Variants in TOR1AIP1 observed in about 807,000 individuals in gnomAD.
The protein encoded by TOR1AIP1 is torsin 1A interacting protein 1, also known as torsin-1A-interacting protein 1.
Under a neutral mutation model 63.3 loss-of-function variants are expected in TOR1AIP1, and 54 were observed. The observed-to-expected ratio is 0.85, with a 90% CI of 0.69 to 1.07. TOR1AIP1 has a LOEUF of 1.07. TOR1AIP1 is among the 50% of genes least tolerant of loss of function. TOR1AIP1 has a pLI of 0.00. For synonymous variants in TOR1AIP1, 294 were observed against 273.5 expected (o/e 1.07, Z -0.74); for missense variants, 736 against 715.0 (o/e 1.03, Z -0.33).
Position 179,908,657 on chromosome 1 carries a change from A to G in TOR1AIP1, c.891A>G (p.Ile297Met), listed in dbSNP as rs758244087. 4 of 1,613,456 alleles carry G rather than the reference A, an allele frequency of 2.5e-6. No homozygotes were observed. The South Asian group carries it at 3.3e-5, about 13-fold the overall frequency. ...PQEWAPQTAR[I>M]RTRMQNDSIL... ...AATGGGCCCCACAAACTGCAAGAAT[A>G]AGGACCAGGATGCAAAGTAAGTAGA... is the stretch of plus-strand genomic sequence containing the variant. Residue 297 changes from isoleucine to methionine, a missense_variant, in exon 8 of 10, where the codon ATA becomes ATG. This residue lies in a region of TOR1AIP1 where 272 missense variants were observed against 344.1 expected (regional missense o/e 0.79). Coordinates refer to ENST00000606911, the MANE Select transcript of TOR1AIP1 (RefSeq NM_015602.4).
chr1:179,892,988 C>A, intron 3 of TOR1AIP1, among the ~76,000 whole-genome samples: 1 of 151,956 alleles, frequency 6.6e-6, no homozygotes, highest in African/African-American at 2.4e-5. Flanking sequence ...TGCCTATAAT[C>A]CCAGCACTTT....
intron 6 of TOR1AIP1, among the ~76,000 whole-genome samples, chr1:179,906,514 C>A (rs1648636606): frequency 6.6e-6 from 1 of 151,974 alleles, no homozygotes; most frequent in Non-Finnish European, 1.5e-5. Flanking sequence ...TTTAGTCATC[C>A]CATTGTGTCA....
chr1:179,914,608 A>G (rs946314216), intron 9 of TOR1AIP1, among the ~76,000 whole-genome samples: 3 of 152,162 alleles, frequency 2.0e-5, no homozygotes, highest in African/African-American at 7.2e-5. Context: ...ATCCTGGCCA[A>G]CATGGTGAAA....
intron 3 of TOR1AIP1, 122 bp downstream of exon 3, chr1:179,889,491 A>G: frequency 1.4e-6 from 1 of 709,650 alleles, no homozygotes; most frequent in East Asian, 3.0e-5. Flanking sequence ...ACATTAAAAA[A>G]TCTCCCTGTC....
intron 3 of TOR1AIP1, among the ~76,000 whole-genome samples, chr1:179,892,789 CT>C (rs1648138939): frequency 2.0e-5 from 3 of 151,600 alleles, no homozygotes; most frequent in African/African-American, 7.3e-5. Flanking sequence ...CTGAAATAAC[CT>C]AACACTCTTT....
At chr1:179,894,216 A>C (rs1205852050) in intron 3 of TOR1AIP1, among the ~76,000 whole-genome samples, 1 of 149,246 alleles carries the variant, frequency 6.7e-6, no homozygotes, top group Non-Finnish European at 1.5e-5. Flanking sequence ...CCGCCACCGC[A>C]CTCCAGCCTG....
intron 3 of TOR1AIP1, among the ~76,000 whole-genome samples, chr1:179,892,396 C>A (rs1372772253): frequency 6.6e-6 from 1 of 151,906 alleles, no homozygotes; most frequent in African/African-American, 2.4e-5. Flanking sequence ...TCACTTATAC[C>A]CAGGATGCAG....
At chr1:179,902,596 A>G (rs896910066) in intron 5 of TOR1AIP1, among the ~76,000 whole-genome samples, 8 of 151,782 alleles carry the variant, frequency 5.3e-5, no homozygotes, top group African/African-American at 1.9e-4. Context: ...TGTGTTTCCC[A>G]CCCTTCCTCA....
chr1:179,904,212 C>T (rs987080512), intron 6 of TOR1AIP1, among the ~76,000 whole-genome samples, 190 bp downstream of exon 6: 4 of 152,152 alleles, frequency 2.6e-5, no homozygotes, highest in Non-Finnish European at 5.9e-5. Context: ...TATACCCAAA[C>T]CTGAATTTGA....
At chr1:179,906,741 C>G (rs1002567247) in intron 6 of TOR1AIP1, among the ~76,000 whole-genome samples, 14 of 140,016 alleles carry the variant, frequency 1.0e-4, no homozygotes, top group African/African-American at 2.1e-4. Flanking sequence ...TTCCCCCCCC[C>G]CCTTTTTTTT....
At chr1:179,913,458 A>G in intron 8 of TOR1AIP1, 1 of 632,508 alleles carries the variant, frequency 1.6e-6, no homozygotes, top group Non-Finnish European at 2.8e-6. Context: ...CAGAATCCCC[A>G]GAGGAAATAC....
intron 3 of TOR1AIP1, among the ~76,000 whole-genome samples, chr1:179,893,273 A>C (rs548162000): frequency 4.3e-4 from 65 of 152,104 alleles, no homozygotes; most frequent in Middle Eastern, 6.8e-3. Context: ...AACAAAAAAA[A>C]AAAAGTGACA....
chr1:179,888,977 T>C (rs1647983265), intron 2 of TOR1AIP1, among the ~76,000 whole-genome samples: 1 of 152,204 alleles, frequency 6.6e-6, no homozygotes. Flanking sequence ...GAATAGATAA[T>C]TGAGTTGGTA....
chr1:179,913,809 A>G (rs762325593), intron 8 of TOR1AIP1, among the ~76,000 whole-genome samples, 189 bp from the exon 9 acceptor site: 11 of 152,220 alleles, frequency 7.2e-5, no homozygotes, highest in Non-Finnish European at 1.2e-4. Context: ...TATGAAAGAA[A>G]TAGGTCATGT....
intron 5 of TOR1AIP1, 42 bp downstream of exon 5, chr1:179,901,430 A>C (rs761894609): frequency 8.2e-7 from 1 of 1,221,046 alleles, no homozygotes; most frequent in African/African-American, 1.5e-5. Context: ...TCATAGAACT[A>C]TCTTTGGTAT....
intron 8 of TOR1AIP1, among the ~76,000 whole-genome samples, chr1:179,910,042 GCATGA>G (rs1648782710): frequency 6.6e-6 from 1 of 152,210 alleles, no homozygotes; most frequent in Non-Finnish European, 1.5e-5. Context: ...GGGATTACAG[GCATGA>G]GCCACCACAC....
In TOR1AIP1 at chr1:179,908,606, C is replaced by T. The variant is rs776976320; in HGVS notation, c.840C>T (p.Ser280=). The T allele has an allele frequency of 6.2e-7, 1 of 1,612,782 alleles. No homozygotes were observed. Among genetic ancestry groups the T allele is most frequent in the Non-Finnish European group, 8.5e-7 (1 of 1,179,074 alleles). The change falls in exon 8 of 10, where the codon AGC becomes AGT. Residue 280 remains serine, a splice_region_variant and synonymous_variant. Transcript: ENST00000606911. The part of the protein sequence containing the change: ...TAHDKQPSVL[S]SGYQKTPQEW... The stretch of plus-strand genomic sequence containing the variant: ...TTTTGATATATGTATTTGCTTCAGG[C>T]TCAGGATATCAAAAAACTCCCCAGG...
At chr1:179,892,986 A>G (rs10913906) in intron 3 of TOR1AIP1, among the ~76,000 whole-genome samples, 51,058 of 152,000 alleles carry the variant, frequency 0.34, 8,861 homozygotes, top group African/African-American at 0.38. Context: ...CATGCCTATA[A>G]TCCCAGCACT....
Position 179,882,889 on chromosome 1 carries a change from C to A in TOR1AIP1, c.387C>A (p.Arg129=). The change falls in exon 1 of 10, where the codon CGC becomes CGA. Residue 129 remains arginine, a synonymous_variant. Transcript: ENST00000606911. Reference sequence around the variant, plus strand: ...AAATGAAGACGCGAAGGACTACCCGCCTTCAGCAGCAGCACTCAGAGCAGC... The same window carrying A: ...AAATGAAGACGCGAAGGACTACCCGACTTCAGCAGCAGCACTCAGAGCAGC... The part of the protein sequence containing the change: ...TEEMKTRRTT[R]LQQQHSEQPP... The A allele has an allele frequency of 1.2e-6, 2 of 1,614,158 alleles. No homozygotes were observed. Among genetic ancestry groups the A allele is most frequent in the Non-Finnish European group, 1.7e-6 (2 of 1,180,040 alleles).
Sources: gnomAD v4.1 joint callset for allele counts (sites outside exome capture counted in the v4.1 genomes callset) on GRCh38, gnomAD v4.1.1 for gene constraint, gnomAD v4.1.1 regional missense constraint, MANE v1.5 for transcripts, NCBI Gene and HGNC (gene_info 2026-07-23, HGNC 2026-07-21) for gene names.